The following ANK1 variants were observed in gnomAD, a reference collection of about 807,000 sequenced individuals.
The protein encoded by ANK1 is ankyrin-1.
ANK1 carries 51 observed loss-of-function variants against 210.4 expected under a neutral mutation model. The observed-to-expected ratio is 0.24, with a 90% CI of 0.19 to 0.31. ANK1 has a LOEUF of 0.31. ANK1 is among the 10% of genes least tolerant of loss of function. The pLI is 1.00. For synonymous variants in ANK1, 967 were observed against 1,025.9 expected, an observed-to-expected ratio of 0.94 and a Z score of 1.10; for missense variants, 2,051 against 2,504.4, an observed-to-expected ratio of 0.82 and a Z score of 3.86.
intron 22 of ANK1, chr8:41,700,439 G>T: frequency 6.2e-7 from 1 of 1,613,770 alleles, no homozygotes; most frequent in Non-Finnish European, 8.5e-7. Context: ...ACCCATTATA[G>T]TTATATGAGC....
rs533876518 is a variant in ANK1, at chr8:41,782,925, G to A, written c.27+14587C>T. On this transcript the variant is annotated intron_variant, in intron 1 of 42. Transcript: ENST00000289734. ...CTACTGTAATCTAAATGGTATAGGC[G>A]TTTCTAAAATATCCACACTGAAAAA... is the stretch of plus-strand genomic sequence containing the variant. Among the ~76,000 whole-genome samples the A allele has an allele frequency of 5.3e-5, 8 of 152,144 alleles. No individual in the cohort carries two copies. The East Asian group carries it at 5.8e-4, about 11-fold the overall frequency.
chr8:41,771,993 G>T (rs1843057035), intron 1 of ANK1, among the ~76,000 whole-genome samples: 1 of 152,138 alleles, frequency 6.6e-6, no homozygotes. Flanking sequence ...AGGATGATTT[G>T]GGAGAACAGG....
intron 22 of ANK1, among the ~76,000 whole-genome samples, chr8:41,699,979 A>G (rs1822254786): frequency 6.6e-6 from 1 of 152,254 alleles, no homozygotes; most frequent in Admixed American, 6.5e-5. Context: ...TGGCAGCCAA[A>G]ACCTCATTAC....
At chr8:41,724,297 A>G (rs895112116) in intron 7 of ANK1, among the ~76,000 whole-genome samples, 159 bp downstream of exon 7, 1 of 152,206 alleles carries the variant, frequency 6.6e-6, no homozygotes, top group Non-Finnish European at 1.5e-5. Flanking sequence ...ACTGGGGGGT[A>G]GATGATCAGA....
At chr8:41,786,594 G>T (rs1846451698) in intron 1 of ANK1, among the ~76,000 whole-genome samples, 2 of 152,184 alleles carry the variant, frequency 1.3e-5, no homozygotes, top group Admixed American at 1.3e-4. Context: ...TCCTGGAATG[G>T]CTATTTAAGT....
At chr8:41,888,147 C>A (rs1818779781) in intron 1 of ANK1, among the ~76,000 whole-genome samples, 1 of 152,200 alleles carries the variant, frequency 6.6e-6, no homozygotes, top group Non-Finnish European at 1.5e-5. Context: ...GAGCTCTCTC[C>A]CTCTATCAGG....
chr8:41,774,841 T>C (rs1225404102), intron 1 of ANK1, among the ~76,000 whole-genome samples: 1 of 152,248 alleles, frequency 6.6e-6, no homozygotes, highest in African/African-American at 2.4e-5. Flanking sequence ...TATTGTGGAC[T>C]GGGGAGCCGA....
intron 1 of ANK1, among the ~76,000 whole-genome samples, chr8:41,861,803 C>T (rs1010827617): frequency 6.6e-6 from 1 of 152,216 alleles, no homozygotes; most frequent in Non-Finnish European, 1.5e-5. Flanking sequence ...TCCCTCTCCC[C>T]GCACCCCTGC....
intron 1 of ANK1, among the ~76,000 whole-genome samples, chr8:41,874,459 G>A (rs1448645826): frequency 6.6e-6 from 1 of 152,106 alleles, no homozygotes; most frequent in Non-Finnish European, 1.5e-5. Flanking sequence ...CTGCACTTTC[G>A]GGTCGCCTGC....
rs570641082 is a variant in ANK1 at position 41,656,965 on chromosome 8, A to G, written c.*37-1212T>C. 3.9e-5 allele frequency among the ~76,000 whole-genome samples: 6 copies of G among 152,202 alleles called. No homozygotes were observed. The East Asian group carries it at 5.8e-4, about 15-fold the overall frequency. ...GCTTTCATCACTGCTGGGCCATCAC[A>G]TCGGCCAAGTCTGACTGTCTCCTCT... On this transcript the variant is annotated intron_variant, in intron 42 of 42. Transcript: ENST00000289734.
chr8:41,848,189 A>AATAG (rs1209760455), intron 1 of ANK1, among the ~76,000 whole-genome samples: 3 of 140,844 alleles, frequency 2.1e-5, no homozygotes, highest in Non-Finnish European at 4.7e-5. Context: ...CAATTTCAAA[A>AATAG]ATAAATAAAT....
At chr8:41,748,085 G>C (rs890479401) in intron 2 of ANK1, among the ~76,000 whole-genome samples, 1 of 152,120 alleles carries the variant, frequency 6.6e-6, no homozygotes, top group East Asian at 1.9e-4. Context: ...CAACTCTCAG[G>C]GTGACGTCAG....
chr8:41,822,104 G>A (rs942428066), intron 1 of ANK1, among the ~76,000 whole-genome samples: 16 of 31,940 alleles, frequency 5.0e-4, no homozygotes, highest in South Asian at 1.2e-3. Flanking sequence ...GAGAGAGAGA[G>A]AGAGAGAGAG....
chr8:41,665,350 G>A (rs938820947), intron 39 of ANK1: 1 of 1,190,444 alleles, frequency 8.4e-7, no homozygotes, highest in African/African-American at 1.6e-5. Context: ...GGGCTAGAAG[G>A]AAGCCGGCAG....
intron 1 of ANK1, among the ~76,000 whole-genome samples, chr8:41,793,202 C>A (rs549684652): frequency 6.6e-6 from 1 of 152,202 alleles, no homozygotes. Context: ...CATAGTGAGA[C>A]CCCTGTCTCT....
chr8:41,697,870 C>T (rs1821537806), intron 24 of ANK1, 173 bp downstream of exon 24: 1 of 718,116 alleles, frequency 1.4e-6, no homozygotes, highest in South Asian at 1.5e-5. Context: ...CCACCCAGCG[C>T]CACCAATGTT....
rs192669804 is a variant in ANK1 at position 41,732,364 on chromosome 8, C to G, written c.228+1607G>C. ...GAGGGAAGAGAAGAGAAAACAGTAA[C>G]TGGGGAGACAGTACTTGAGTTAGCA... On this transcript the variant is annotated intron_variant, in intron 3 of 42. Transcript: ENST00000289734. 2.4e-3 allele frequency among the ~76,000 whole-genome samples: 372 copies of G among 152,268 alleles called. 1 individual carries two copies. The highest frequency in any genetic ancestry group is 5.6e-3 in the Admixed American group (86 of 15,288).
chr8:41,702,761 C>T (rs1180437963), intron 20 of ANK1, among the ~76,000 whole-genome samples: 7 of 152,286 alleles, frequency 4.6e-5, no homozygotes, highest in East Asian at 1.9e-4. Flanking sequence ...CCTTGGGCTC[C>T]GTTCAGATTC....
intron 1 of ANK1, among the ~76,000 whole-genome samples, chr8:41,811,260 T>G (rs1802442267): frequency 6.6e-6 from 1 of 152,240 alleles, no homozygotes; most frequent in Non-Finnish European, 1.5e-5. Flanking sequence ...GTTTCAGTTT[T>G]TCTTGCTTCA....
Sources: allele counts gnomAD v4.1 joint callset (sites outside exome capture counted in the v4.1 genomes callset), GRCh38; gene constraint gnomAD v4.1.1; transcripts MANE v1.5; gene names NCBI Gene and HGNC (gene_info 2026-07-23, HGNC 2026-07-21).